ZNF280D: variants seen among roughly 807,000 people sequenced by gnomAD.
ZNF280D encodes the protein suppressor of hairy wing homolog 4.
A neutral mutation model predicts 94.7 loss-of-function variants in ZNF280D; 39 were observed. The observed-to-expected ratio is 0.41, with a 90% CI of 0.32 to 0.54. The LOEUF (loss-of-function observed/expected upper bound fraction) is 0.54. Ranked by LOEUF, ZNF280D falls within the 20% of genes least tolerant of loss-of-function variation. The pLI is 0.22. For missense variants in ZNF280D, 1,090 were observed against 1,149.3 expected (o/e 0.95, Z 0.75); for synonymous variants, 398 against 377.6 (o/e 1.05, Z -0.63).
chr15:56,692,918 T>G (rs940241685), intron 7 of ZNF280D, among the ~76,000 whole-genome samples, 180 bp downstream of exon 7: 1 of 152,130 alleles, frequency 6.6e-6, no homozygotes, highest in Non-Finnish European at 1.5e-5. Context: ...TATTCTGTCA[T>G]TAAATAGGAT....
At chr15:56,730,875 C>T (rs537505870) in intron 1 of ZNF280D, among the ~76,000 whole-genome samples, 1 of 152,272 alleles carries the variant, frequency 6.6e-6, no homozygotes, top group Admixed American at 6.5e-5. Context: ...AAATATCACA[C>T]CACAAATGAC....
chr15:56,712,476 A>G (rs2057810658), intron 1 of ZNF280D, among the ~76,000 whole-genome samples: 1 of 151,684 alleles, frequency 6.6e-6, no homozygotes, highest in African/African-American at 2.4e-5. Flanking sequence ...AAAATACAAG[A>G]AAATTACTGG....
intron 19 of ZNF280D, among the ~76,000 whole-genome samples, chr15:56,649,214 T>C (rs1466966230): frequency 6.6e-6 from 1 of 152,156 alleles, no homozygotes; most frequent in East Asian, 1.9e-4. Flanking sequence ...GGATATTTAA[T>C]TTATAATCTA....
At chr15:56,733,437 C>T in intron 1 of ZNF280D, 21 bp downstream of exon 1, 1 of 1,053,056 alleles carries the variant, frequency 9.5e-7, no homozygotes, top group Non-Finnish European at 1.2e-6. Flanking sequence ...GCAGGGCGGG[C>T]GGGGGCGGGG....
intron 16 of ZNF280D, among the ~76,000 whole-genome samples, chr15:56,659,029 T>C (rs1253046924): frequency 6.6e-6 from 1 of 151,980 alleles, no homozygotes; most frequent in Non-Finnish European, 1.5e-5. Flanking sequence ...GTAGACTTTT[T>C]TTCTTCTTAA....
intron 20 of ZNF280D, among the ~76,000 whole-genome samples, chr15:56,642,451 C>T (rs965478704): frequency 1.3e-5 from 2 of 151,814 alleles, no homozygotes; most frequent in African/African-American, 4.8e-5. Flanking sequence ...ACTATTTCTA[C>T]AGTCATCTAT....
intron 13 of ZNF280D, among the ~76,000 whole-genome samples, chr15:56,675,864 G>C (rs1218847794): frequency 2.0e-5 from 3 of 152,044 alleles, no homozygotes; most frequent in Admixed American, 1.3e-4. Context: ...TACATGATCA[G>C]ATTCGGTAAA....
intron 9 of ZNF280D, 167 bp downstream of exon 9, chr15:56,688,874 T>C (rs1050690612): frequency 4.4e-5 from 19 of 428,822 alleles, no homozygotes; most frequent in Admixed American, 1.2e-4. Flanking sequence ...TTTGAGGATT[T>C]AGAAGGAATT....
rs754261134 is a variant in ZNF280D at position 56,658,472 on chromosome 15, C to A, written c.2009G>T (p.Arg670Leu). Residue 670 changes from arginine (R) to leucine (L), a missense_variant, in exon 17 of 22, where the codon CGT becomes CTT. Around this residue, in one of 3 missense-constraint regions of ZNF280D, gnomAD observed 577 missense variants for 568.8 expected, o/e 1.01. Coordinates refer to ENST00000267807, the MANE Select transcript of ZNF280D (RefSeq NM_017661.4). ...AAAAATACAAAACCTTTTGCTTGGA[C>A]GGTTACTATGAAAGCTGGAGAAACA... ...VNHMMSFHSN[R>L]PSKRFCIFKK... 6.3e-7 allele frequency: 1 copy of A among 1,575,740 alleles called. No individual in the cohort carries two copies.
intron 1 of ZNF280D, among the ~76,000 whole-genome samples, chr15:56,720,757 A>T (rs2058312240): frequency 6.6e-6 from 1 of 152,152 alleles, no homozygotes; most frequent in African/African-American, 2.4e-5. Flanking sequence ...CTTCCATCAG[A>T]GCTCTTGGGT....
Position 56,707,075 on chromosome 15 carries a change from C to A in ZNF280D, c.28+7G>T, listed in dbSNP as rs751303304. 1.9e-6 allele frequency: 3 copies of A among 1,613,826 alleles called. No homozygotes were observed. The highest frequency in any genetic ancestry group is 2.5e-6 in the Non-Finnish European group (3 of 1,179,856). On this transcript the variant is annotated splice_region_variant and intron_variant, in intron 3 of 21. Coordinates refer to ENST00000267807, the MANE Select transcript of ZNF280D (RefSeq NM_017661.4). ...ATATTAGTATTAGTTGTGGCAGCAA[C>A]ACTTACTTTTTGGTTGAAAAGGGTT...
At chr15:56,703,764 G>C (rs370465552) in intron 4 of ZNF280D, among the ~76,000 whole-genome samples, 6 of 152,108 alleles carry the variant, frequency 3.9e-5, no homozygotes, top group African/African-American at 1.2e-4. Context: ...TGAGGTGGGA[G>C]GATCGCTTGA....
rs116712051 is a variant in ZNF280D at position 56,657,476 on chromosome 15, T to C, written c.2057+948A>G. On this transcript the variant is annotated intron_variant, in intron 17 of 21. Transcript: ENST00000267807. Reference sequence around the variant, plus strand: ...CCTTATTTTTGTTCTCATTTTACAATGCAAACGCATCAAGGTTTCCTCTGG... The same window carrying C: ...CCTTATTTTTGTTCTCATTTTACAACGCAAACGCATCAAGGTTTCCTCTGG... 5.3e-3 allele frequency among the ~76,000 whole-genome samples: 807 copies of C among 152,246 alleles called. 15 individuals are homozygous for C. Among genetic ancestry groups the C allele is most frequent in the African/African-American group, 0.018 (761 of 41,554 alleles).
chr15:56,682,326 A>G lies in ZNF280D; in HGVS notation c.932T>C (p.Val311Ala), dbSNP rs753633455. 2 of 1,599,004 alleles carry G rather than the reference A, an allele frequency of 1.3e-6. No homozygotes were observed. The highest frequency in any genetic ancestry group is 2.3e-5 in the South Asian group (2 of 87,252). The part of the protein sequence containing the change: ...DFYYGKHEGD[V>A]QEEQKTHTTF... ...TGTGTGAGTCTTCTGTTCCTCCTGGACATCTCCTTCATGTTTTCCATAATA... is the reference window on the plus strand; with the variant it reads ...TGTGTGAGTCTTCTGTTCCTCCTGGGCATCTCCTTCATGTTTTCCATAATA... The change falls in exon 10 of 22, where the codon GTC becomes GCC. Residue 311 changes from valine to alanine, a missense_variant. This residue lies in a region of ZNF280D where 386 missense variants were observed against 372.0 expected (regional missense o/e 1.04). Transcript: ENST00000267807.
At chr15:56,654,176 A>G (rs373604337) in intron 19 of ZNF280D, 22 bp downstream of exon 19, 13 of 1,601,370 alleles carry the variant, frequency 8.1e-6, no homozygotes, top group African/African-American at 1.3e-5. Context: ...AGTAAAATGC[A>G]CTGAATAAAA....
intron 6 of ZNF280D, among the ~76,000 whole-genome samples, chr15:56,695,871 T>C (rs1393735677): frequency 3.3e-5 from 5 of 152,016 alleles, no homozygotes; most frequent in African/African-American, 1.2e-4. Context: ...GAATGTTCAG[T>C]GAAAAAAGAG....
intron 4 of ZNF280D, among the ~76,000 whole-genome samples, chr15:56,702,406 C>T (rs2057133460): frequency 6.6e-6 from 1 of 152,066 alleles, no homozygotes; most frequent in Admixed American, 6.6e-5. Flanking sequence ...TTATGGCTTA[C>T]AAATAAAACA....
At chr15:56,714,880 C>A (rs1468329352) in intron 1 of ZNF280D, among the ~76,000 whole-genome samples, 1 of 151,942 alleles carries the variant, frequency 6.6e-6, no homozygotes, top group Non-Finnish European at 1.5e-5. Context: ...CTTTCTAATG[C>A]AAGATGCAAA....
At chr15:56,725,404 G>A (rs1336955215) in intron 1 of ZNF280D, among the ~76,000 whole-genome samples, 1 of 151,972 alleles carries the variant, frequency 6.6e-6, no homozygotes, top group East Asian at 1.9e-4. Context: ...AATGAAAGCA[G>A]CACATATTAA....
Sources: allele counts gnomAD v4.1 joint callset (sites outside exome capture counted in the v4.1 genomes callset), GRCh38; gene constraint gnomAD v4.1.1; regional missense constraint gnomAD v4.1.1; transcripts MANE v1.5; gene names NCBI Gene and HGNC (gene_info 2026-07-23, HGNC 2026-07-21).